ATE1: variants seen among roughly 807,000 people sequenced by gnomAD.
The protein encoded by ATE1 is arginyltransferase 1.
A neutral mutation model predicts 70.5 loss-of-function variants in ATE1; 36 were observed. The observed-to-expected ratio is 0.51, with a 90% CI of 0.39 to 0.67. ATE1 has a LOEUF of 0.67. Ranked by LOEUF, ATE1 falls within the 30% of genes least tolerant of loss-of-function variation. The pLI is 0.00. For synonymous variants in ATE1, 232 were observed against 219.3 expected (o/e 1.06, Z -0.51); for missense variants, 593 against 629.5 (o/e 0.94, Z 0.62).
intron 10 of ATE1, among the ~76,000 whole-genome samples, chr10:121,812,974 CAACT>C (rs773609145): frequency 1.6e-4 from 24 of 152,358 alleles, no homozygotes; most frequent in Middle Eastern, 3.4e-3. Context: ...TCTTTCACTA[CAACT>C]AACATTCTGT....
At chr10:121,835,513 A>T (rs984764940) in intron 10 of ATE1, among the ~76,000 whole-genome samples, 3 of 151,252 alleles carry the variant, frequency 2.0e-5, no homozygotes, top group Non-Finnish European at 2.9e-5. Flanking sequence ...TTATTGATTT[A>T]AAGAGATTTA....
At chr10:121,835,509 A>G (rs1036799863) in intron 10 of ATE1, among the ~76,000 whole-genome samples, 16 of 151,050 alleles carry the variant, frequency 1.1e-4, no homozygotes, top group Non-Finnish European at 1.9e-4. Context: ...GGATTTATTG[A>G]TTTAAAGAGA....
Position 121,743,729 on chromosome 10 carries a change from C to T in ATE1, c.1508G>A (p.Ser503Asn). 2 of 1,614,018 alleles carry T rather than the reference C, an allele frequency of 1.2e-6. No individual in the cohort carries two copies. The highest frequency in any genetic ancestry group is 1.7e-6 in the Non-Finnish European group (2 of 1,180,008). The change falls in exon 12 of 12, where the codon AGC becomes AAC. Residue 503 changes from serine to asparagine, a missense_variant. Physicochemically the swap from Ser to Asn is conservative, Grantham distance 46. Transcript: ENST00000224652. ...SEEAAVLQYA[S>N]LVGQKCSERM... ...CTCGGAGCACTTCTGCCCCACCAGG[C>T]TGGCGTACTGCAGAACAGCAGCCTC...
intron 10 of ATE1, among the ~76,000 whole-genome samples, chr10:121,803,550 T>A (rs957390702): frequency 5.3e-5 from 8 of 152,234 alleles, no homozygotes; most frequent in Admixed American, 5.2e-4. Flanking sequence ...CTAATTAGAA[T>A]CATTTAGGAT....
chr10:121,877,241 A>T (rs1272235839), intron 7 of ATE1, among the ~76,000 whole-genome samples: 2 of 152,138 alleles, frequency 1.3e-5, no homozygotes, highest in Non-Finnish European at 2.9e-5. Context: ...CAAAATACTA[A>T]AACATCTCAT....
intron 5 of ATE1, among the ~76,000 whole-genome samples, chr10:121,904,468 T>C (rs867980386): frequency 1.3e-5 from 2 of 150,598 alleles, no homozygotes; most frequent in South Asian, 2.1e-4. Context: ...GGTGAAACCC[T>C]GTCTCTACTA....
intron 10 of ATE1, among the ~76,000 whole-genome samples, chr10:121,834,354 CT>C (rs1204265581): frequency 6.6e-6 from 1 of 152,010 alleles, no homozygotes; most frequent in Non-Finnish European, 1.5e-5. Flanking sequence ...CCAGTAGGAT[CT>C]GAATAAACAT....
chr10:121,785,501 G>A (rs1946168049), intron 11 of ATE1, among the ~76,000 whole-genome samples: 1 of 151,972 alleles, frequency 6.6e-6, no homozygotes, highest in Non-Finnish European at 1.5e-5. Flanking sequence ...GGTCAGAGTG[G>A]GACTTACTTT....
intron 11 of ATE1, among the ~76,000 whole-genome samples, chr10:121,779,811 C>T (rs1196438631): frequency 1.3e-5 from 2 of 152,130 alleles, no homozygotes; most frequent in Non-Finnish European, 2.9e-5. Context: ...ATTCTAGTCC[C>T]ACTAAAACTA....
chr10:121,775,366 G>GC (rs1442857605), intron 11 of ATE1, among the ~76,000 whole-genome samples: 6 of 152,068 alleles, frequency 3.9e-5, no homozygotes, highest in African/African-American at 1.4e-4. Context: ...CCTAATGCAT[G>GC]TGGGGCTTAA....
intron 1 of ATE1, chr10:121,927,360 A>G (rs1305531387): frequency 2.0e-6 from 2 of 982,304 alleles, no homozygotes; most frequent in Non-Finnish European, 2.4e-6. Context: ...TTTTTAACCC[A>G]GAGATGCAAA....
At chr10:121,928,278 C>T (rs1952188225), upstream of ATE1, 49 of 1,475,226 alleles carry the variant, frequency 3.3e-5, 2 homozygotes, top group South Asian at 5.9e-4. Context: ...TGCGAGCCTG[C>T]CCTTTCCCCC....
At chr10:121,869,927 A>C in intron 8 of ATE1, 79 bp downstream of exon 8, 3 of 1,367,938 alleles carry the variant, frequency 2.2e-6, no homozygotes, top group Middle Eastern at 3.6e-4. Flanking sequence ...CTAAATTATC[A>C]AATAAATGCC....
chr10:121,767,561 A>G (rs1488686937), intron 11 of ATE1, among the ~76,000 whole-genome samples: 1 of 152,242 alleles, frequency 6.6e-6, no homozygotes, highest in Non-Finnish European at 1.5e-5. Context: ...CATAGAAACT[A>G]GCTGCATTGC....
At chr10:121,814,797 T>G (rs772662055) in intron 10 of ATE1, among the ~76,000 whole-genome samples, 48 of 152,080 alleles carry the variant, frequency 3.2e-4, no homozygotes, top group Non-Finnish European at 5.3e-4. Flanking sequence ...TCTAAACACA[T>G]ATATATGCAC....
intron 7 of ATE1, among the ~76,000 whole-genome samples, chr10:121,887,887 G>C (rs2134170797): frequency 6.6e-6 from 1 of 152,184 alleles, no homozygotes; most frequent in East Asian, 1.9e-4. Context: ...AATAAGTGTA[G>C]AAACAATAAT....
At chr10:121,871,793 A>G (rs1475331853) in intron 7 of ATE1, among the ~76,000 whole-genome samples, 1 of 152,244 alleles carries the variant, frequency 6.6e-6, no homozygotes, top group Non-Finnish European at 1.5e-5. Flanking sequence ...CTTAATTTAA[A>G]TATCAATATG....
intron 8 of ATE1, among the ~76,000 whole-genome samples, chr10:121,856,077 A>C (rs1248652607): frequency 1.9e-4 from 2 of 10,722 alleles, no homozygotes; most frequent in East Asian, 2.9e-3. Context: ...ACTATATCTC[A>C]AAAAAAAAAA....
chr10:121,899,109 G>T, intron 7 of ATE1: 2 of 908,856 alleles, frequency 2.2e-6, no homozygotes, highest in Non-Finnish European at 3.2e-6. Context: ...AACCTTAGAC[G>T]AGGCAGACGG....
Sources: gnomAD v4.1 joint callset for allele counts (sites outside exome capture counted in the v4.1 genomes callset) on GRCh38, gnomAD v4.1.1 for gene constraint, MANE v1.5 for transcripts, NCBI Gene and HGNC (gene_info 2026-07-23, HGNC 2026-07-21) for gene names.